Variants in MAN2B2 observed in about 807,000 individuals in gnomAD.
The protein encoded by MAN2B2 is mannosidase alpha class 2B member 2.
In MAN2B2, 106 loss-of-function variants were observed where a neutral mutation model predicts 117.1. That is an observed-to-expected ratio of 0.90 (90% CI 0.77 to 1.06). MAN2B2 has a LOEUF of 1.06. Among genes scored for constraint, MAN2B2 ranks in the 50% least tolerant of loss-of-function variants. MAN2B2 has a pLI of 0.00. For synonymous variants in MAN2B2, 544 were observed against 595.1 expected, an observed-to-expected ratio of 0.91 and a Z score of 1.25; for missense variants, 1,326 against 1,381.4, an observed-to-expected ratio of 0.96 and a Z score of 0.64.
At chr4:6,617,581 C>T (rs576005296) in intron 17 of MAN2B2, 89 bp downstream of exon 17, 45 of 1,561,506 alleles carry the variant, frequency 2.9e-5, no homozygotes, top group East Asian at 1.2e-4. Context: ...AAGAGATCCA[C>T]GAGGGCTTCC....
At position 6,587,032 on chromosome 4, in the gene MAN2B2, G is replaced by A. The variant is rs749119168; in HGVS notation, c.428G>A (p.Arg143Gln). The A allele has an allele frequency of 4.2e-5, 67 of 1,613,852 alleles. No individual in the cohort carries two copies. Among genetic ancestry groups the A allele is most frequent in the Non-Finnish European group, 5.3e-5 (62 of 1,179,996 alleles). ...TTTCTCTATGAAACATTTGGGATCCGGCCACAGTTCTCCTGGCACGTTGAC... is the reference window on the plus strand; with the variant it reads ...TTTCTCTATGAAACATTTGGGATCCAGCCACAGTTCTCCTGGCACGTTGAC... ...HGFLYETFGI[R>Q]PQFSWHVDPF... Residue 143 changes from arginine to glutamine, a missense_variant, in exon 4 of 19, where the codon CGG becomes CAG. Coordinates refer to ENST00000285599, the MANE Select transcript of MAN2B2 (RefSeq NM_015274.3).
intron 4 of MAN2B2, among the ~76,000 whole-genome samples, chr4:6,588,053 C>T (rs1726712172): frequency 1.3e-5 from 2 of 152,150 alleles, no homozygotes; most frequent in South Asian, 2.1e-4. Context: ...GCCACTGGTG[C>T]CCAGCTTCAT....
intron 17 of MAN2B2, 127 bp downstream of exon 17, chr4:6,617,619 AC>A: frequency 6.6e-7 from 1 of 1,521,926 alleles, no homozygotes; most frequent in African/African-American, 1.4e-5. Flanking sequence ...TATGGGCCCC[AC>A]CCCGCCCTTC....
At chr4:6,611,038 G>T (rs200664792) in intron 14 of MAN2B2, 48 bp downstream of exon 14, 1 of 1,612,512 alleles carries the variant, frequency 6.2e-7, no homozygotes, top group South Asian at 1.1e-5. Flanking sequence ...GCCCCCTACA[G>T]GCATGCCCAG....
At chr4:6,592,893 C>A (rs1036709326) in intron 5 of MAN2B2, among the ~76,000 whole-genome samples, 2 of 152,214 alleles carry the variant, frequency 1.3e-5, no homozygotes, top group East Asian at 3.8e-4. Context: ...AATTGAGGCA[C>A]CCCCATAAAT....
At chr4:6,610,183 GTC>G in intron 13 of MAN2B2, 133 bp downstream of exon 13, 1 of 1,273,214 alleles carries the variant, frequency 7.9e-7, no homozygotes, top group Non-Finnish European at 1.1e-6. Context: ...TTAAGATGGA[GTC>G]TCACTCTGTC....
At chr4:6,608,431 C>A (rs986077008) in intron 11 of MAN2B2, among the ~76,000 whole-genome samples, 1 of 152,206 alleles carries the variant, frequency 6.6e-6, no homozygotes, top group East Asian at 1.9e-4. Context: ...CACTTGTGCA[C>A]TTGGTTAGGC....
chr4:6,621,329 C>T lies in MAN2B2; in HGVS notation c.*44C>T. On this transcript the variant is annotated 3_prime_UTR_variant, in exon 19 of 19. Coordinates refer to ENST00000285599, the MANE Select transcript of MAN2B2 (RefSeq NM_015274.3). ...GGCCCCAGGGCTTCCCCCAGGAACT[C>T]CATGTAACAGAACAGACCCAGGACA... 1 of 1,529,784 alleles carries T rather than the reference C, an allele frequency of 6.5e-7. No individual in the cohort carries two copies. Among genetic ancestry groups the T allele is most frequent in the African/African-American group, 1.4e-5 (1 of 73,278 alleles). 94.8% of individuals were successfully genotyped at this position (1,529,784 alleles called of 1,614,324 possible). A position where few individuals can be genotyped will look rare whatever the true frequency, so the allele number is the denominator to read the frequency against.
intron 11 of MAN2B2, among the ~76,000 whole-genome samples, chr4:6,605,923 TC>T: frequency 6.6e-6 from 1 of 152,290 alleles, no homozygotes; most frequent in African/African-American, 2.4e-5. Context: ...ATTCATTCAT[TC>T]ATTCATTCAT....
rs758974326 is a variant in MAN2B2 at position 6,589,035 on chromosome 4, C to G, written c.565-10C>G. 1.2e-6 allele frequency: 2 copies of G among 1,608,896 alleles called. No individual in the cohort carries two copies. On this transcript the variant is annotated splice_polypyrimidine_tract_variant and intron_variant, in intron 4 of 18. Transcript: ENST00000285599. ...GCCCCTCCAGCCTCATTCTTCTCCT[C>G]GGTTTGCAGGGGCTGCAGTTCGTGT...
chr4:6,604,495 G>T (rs1727457236), intron 10 of MAN2B2, among the ~76,000 whole-genome samples: 1 of 151,068 alleles, frequency 6.6e-6, no homozygotes, highest in Admixed American at 6.6e-5. Flanking sequence ...TGGGGAAGGG[G>T]AGTGACTGAG....
chr4:6,587,059 C>G lies in MAN2B2; in HGVS notation c.455C>G (p.Pro152Arg). 1 of 1,614,064 alleles carries G rather than the reference C, an allele frequency of 6.2e-7. No individual in the cohort carries two copies. The highest frequency in any genetic ancestry group is 8.5e-7 in the Non-Finnish European group (1 of 1,180,012). The part of the protein sequence containing the change: ...IRPQFSWHVD[P>R]FGASATTPTL... The stretch of plus-strand genomic sequence containing the variant: ...CCACAGTTCTCCTGGCACGTTGACC[C>G]GTTTGGCGCCTCTGCCACGACGCCC... The change falls in exon 4 of 19, where the codon CCG (proline) becomes CGG (arginine). Residue 152 changes from proline (P) to arginine (R), a missense_variant. Transcript: ENST00000285599.
chr4:6,617,846 A>ATTT, intron 17 of MAN2B2: 1 of 108,286 alleles, frequency 9.2e-6, no homozygotes, highest in Non-Finnish European at 2.0e-5. Context: ...ACGATGGCTA[A>ATTT]GTTTTTTTTT....
intron 15 of MAN2B2, among the ~76,000 whole-genome samples, chr4:6,612,790 C>G (rs1711631113): frequency 1.3e-5 from 2 of 152,244 alleles, no homozygotes; most frequent in South Asian, 4.1e-4. Context: ...TCACTCTGGT[C>G]TCTGTTGGTT....
intron 11 of MAN2B2, among the ~76,000 whole-genome samples, chr4:6,606,940 C>T (rs1173575400): frequency 3.9e-5 from 6 of 152,198 alleles, no homozygotes; most frequent in Non-Finnish European, 8.8e-5. Context: ...GACTGAGATG[C>T]ACTTCACATA....
chr4:6,583,410 A>G (rs572107017), intron 3 of MAN2B2, among the ~76,000 whole-genome samples: 1 of 152,276 alleles, frequency 6.6e-6, no homozygotes, highest in Non-Finnish European at 1.5e-5. Context: ...AAAACCAAGA[A>G]GGAGTGTGTG....
chr4:6,606,764 A>T (rs1187746247), intron 11 of MAN2B2, among the ~76,000 whole-genome samples: 1 of 152,138 alleles, frequency 6.6e-6, no homozygotes, highest in African/African-American at 2.4e-5. Flanking sequence ...CCATCGGGAG[A>T]CGACACCTGG....
intron 6 of MAN2B2, among the ~76,000 whole-genome samples, 177 bp downstream of exon 6, chr4:6,593,527 C>T (rs1248543086): frequency 6.6e-6 from 1 of 152,200 alleles, no homozygotes; most frequent in African/African-American, 2.4e-5. Flanking sequence ...ACCAGCCCCT[C>T]CCCCACCTGG....
chr4:6,579,930 G>A (rs1367344038), intron 3 of MAN2B2, among the ~76,000 whole-genome samples: 1 of 152,250 alleles, frequency 6.6e-6, no homozygotes, highest in African/African-American at 2.4e-5. Context: ...TAGAAACTGA[G>A]ATCCAAAGAA....
Sources: allele counts gnomAD v4.1 joint callset (sites outside exome capture counted in the v4.1 genomes callset), GRCh38; gene constraint gnomAD v4.1.1; transcripts MANE v1.5; gene names NCBI Gene and HGNC (gene_info 2026-07-23, HGNC 2026-07-21).